MAST4: variants seen among roughly 807,000 people sequenced by gnomAD.
MAST4 encodes microtubule-associated serine/threonine-protein kinase 4.
A neutral mutation model predicts 162.7 loss-of-function variants in MAST4; 89 were observed. That is an observed-to-expected ratio of 0.55 (90% CI 0.46 to 0.65). The LOEUF is 0.65. Among genes scored for constraint, MAST4 ranks in the 30% least tolerant of loss-of-function variants. The probability of loss-of-function intolerance (pLI) is 0.00; values close to 1 mark genes in which losing one functional copy is unlikely to be tolerated. For synonymous variants in MAST4, 1,479 were observed against 1,361.1 expected (o/e 1.09, Z -1.91); for missense variants, 3,153 against 3,374.0 (o/e 0.93, Z 1.62).
chr5:66,810,564 T>A (rs1027927310), intron 3 of MAST4, among the ~76,000 whole-genome samples: 2 of 152,214 alleles, frequency 1.3e-5, no homozygotes, highest in African/African-American at 4.8e-5. Context: ...TTATTCTAGC[T>A]GTGTCCTCAG....
At chr5:67,064,050 G>C (rs889440705) in intron 5 of MAST4, among the ~76,000 whole-genome samples, 2 of 152,158 alleles carry the variant, frequency 1.3e-5, no homozygotes, top group Admixed American at 6.5e-5. Context: ...TGTTACATAG[G>C]TCTGAAACTC....
At chr5:66,679,522 C>G (rs1748188045) in intron 1 of MAST4, among the ~76,000 whole-genome samples, 1 of 152,102 alleles carries the variant, frequency 6.6e-6, no homozygotes, top group East Asian at 1.9e-4. Context: ...TGTGTATAAA[C>G]TTCGCTGAAG....
intron 1 of MAST4, among the ~76,000 whole-genome samples, chr5:66,636,931 TA>T (rs1363537405): frequency 6.6e-6 from 1 of 152,222 alleles, no homozygotes; most frequent in Non-Finnish European, 1.5e-5. Flanking sequence ...TTTATTAAAG[TA>T]ATGTGTCATT....
At chr5:66,763,284 C>T (rs538968663) in intron 2 of MAST4, among the ~76,000 whole-genome samples, 5 of 152,254 alleles carry the variant, frequency 3.3e-5, no homozygotes, top group African/African-American at 9.6e-5. Flanking sequence ...AAATTGTTCA[C>T]TCAGTTAAAA....
In MAST4 at chr5:66,837,062, T is replaced by C. The variant is rs1192238723; in HGVS notation, c.642+48268T>C. On this transcript the variant is annotated intron_variant, in intron 3 of 28. Coordinates refer to ENST00000403625, the MANE Select transcript of MAST4 (RefSeq NM_001164664.2). ...TGTGTGTGTGTGTGTGTATGTATAC[T>C]GTAGCCTAGTGGGATAGAAGGAAAG... Among the ~76,000 whole-genome samples, 8 of 84,596 alleles carry C rather than the reference T, an allele frequency of 9.5e-5. No homozygotes were observed. In the East Asian group the frequency reaches 6.4e-3, roughly 68 times the overall value. The allele number at this position is 84,596 out of a possible 152,430, so 55.5% of individuals were successfully genotyped here.
chr5:67,021,835 A>G (rs1754019875), intron 4 of MAST4, among the ~76,000 whole-genome samples: 1 of 152,172 alleles, frequency 6.6e-6, no homozygotes, highest in Non-Finnish European at 1.5e-5. Context: ...TATTTTAAAA[A>G]ATGTATTGAG....
intron 3 of MAST4, among the ~76,000 whole-genome samples, chr5:66,886,499 T>C (rs1762048489): frequency 6.6e-6 from 1 of 151,956 alleles, no homozygotes; most frequent in African/African-American, 2.4e-5. Flanking sequence ...CCCCACCCCG[T>C]TTGTTAAAAC....
At chr5:66,838,923 T>C (rs1758225541) in intron 3 of MAST4, among the ~76,000 whole-genome samples, 2 of 152,148 alleles carry the variant, frequency 1.3e-5, no homozygotes, top group South Asian at 4.1e-4. Context: ...AATCAGGGCA[T>C]AGAAATATTT....
intron 4 of MAST4, among the ~76,000 whole-genome samples, chr5:66,925,486 A>G (rs1348638552): frequency 6.6e-6 from 1 of 152,230 alleles, no homozygotes; most frequent in African/African-American, 2.4e-5. Flanking sequence ...TTTAGGGAAT[A>G]TAACAGATTT....
chr5:66,948,536 T>C (rs150985285), intron 4 of MAST4, among the ~76,000 whole-genome samples: 11 of 152,204 alleles, frequency 7.2e-5, no homozygotes, highest in Admixed American at 5.9e-4. Context: ...CCTGTCCTTT[T>C]CAGGGCAGCT....
At chr5:66,879,156 G>A (rs1416295765) in intron 3 of MAST4, among the ~76,000 whole-genome samples, 1 of 152,102 alleles carries the variant, frequency 6.6e-6, no homozygotes, top group Non-Finnish European at 1.5e-5. Flanking sequence ...GCGGGTGCCT[G>A]TAGTTCCAGC....
At position 67,164,094 on chromosome 5, in the gene MAST4, G is replaced by A. The variant is rs1284807907; in HGVS notation, c.4915G>A (p.Ala1639Thr). Residue 1639 changes from alanine to threonine, a missense_variant, in exon 29 of 29, where the codon GCC (alanine) becomes ACC (threonine). Transcript: ENST00000403625. This position sits in a 1 kb window ranked among gnomAD's most constrained non-coding sequence, Gnocchi z 5.3. ...CCAGGGTGGCGGGGACTTCAGACGG[G>A]CCCCCGCTCCTGGCACCCTCCAGGA... ...HRQGGGDFRR[A>T]PAPGTLQDGL... 15 of 1,572,736 alleles carry A rather than the reference G, an allele frequency of 9.5e-6. No homozygotes were observed. Among genetic ancestry groups the A allele is most frequent in the Non-Finnish European group, 1.3e-5 (15 of 1,158,518 alleles).
At chr5:67,102,065 G>A (rs1765090025) in intron 8 of MAST4, among the ~76,000 whole-genome samples, 1 of 150,844 alleles carries the variant, frequency 6.6e-6, no homozygotes, top group Admixed American at 6.6e-5. Context: ...CCTGTGCCAT[G>A]GAAGACTTTC....
intron 6 of MAST4, among the ~76,000 whole-genome samples, chr5:67,092,002 A>G (rs977648220): frequency 6.6e-6 from 1 of 152,218 alleles, no homozygotes; most frequent in Admixed American, 6.5e-5. Context: ...ACCCTGTGTT[A>G]TGAAAACTCA....
At chr5:67,075,884 CTTG>C (rs1761583465) in intron 5 of MAST4, among the ~76,000 whole-genome samples, 1 of 151,900 alleles carries the variant, frequency 6.6e-6, no homozygotes, top group Non-Finnish European at 1.5e-5. Context: ...AAATGTAGAT[CTTG>C]TTATTTATTA....
intron 1 of MAST4, among the ~76,000 whole-genome samples, chr5:66,747,988 G>A (rs1752871708): frequency 6.6e-6 from 1 of 152,176 alleles, no homozygotes; most frequent in African/African-American, 2.4e-5. Flanking sequence ...AGATGGACCC[G>A]TGAAGTCTCA....
intron 12 of MAST4, among the ~76,000 whole-genome samples, chr5:67,117,890 G>A (rs1767113144): frequency 6.6e-6 from 1 of 152,060 alleles, no homozygotes; most frequent in East Asian, 1.9e-4. Context: ...AATAGTCAGG[G>A]TAGTACTTAA....
chr5:66,654,047 A>G (rs1431052209), intron 1 of MAST4, among the ~76,000 whole-genome samples: 2 of 152,204 alleles, frequency 1.3e-5, no homozygotes, highest in Non-Finnish European at 2.9e-5. Context: ...AATGAATCAG[A>G]TAAAGTCCTT....
chr5:66,741,259 C>T (rs770009036), intron 1 of MAST4, among the ~76,000 whole-genome samples: 7 of 152,146 alleles, frequency 4.6e-5, no homozygotes, highest in Non-Finnish European at 7.4e-5. Context: ...CATTCTTTGT[C>T]GCATCTCCTG....
Sources: allele counts gnomAD v4.1 joint callset (sites outside exome capture counted in the v4.1 genomes callset), GRCh38; gene constraint gnomAD v4.1.1; non-coding constraint Gnocchi (gnomAD v3.1); transcripts MANE v1.5; gene names NCBI Gene and HGNC (gene_info 2026-07-23, HGNC 2026-07-21).